DMD: variants seen among roughly 807,000 people sequenced by gnomAD.
DMD encodes dystrophin.
Under a neutral mutation model 330.1 loss-of-function variants are expected in DMD, and 63 were observed. That is an observed-to-expected ratio of 0.19 (90% CI 0.16 to 0.24). DMD has a LOEUF of 0.24. Among genes scored for constraint, DMD ranks in the 10% least tolerant of loss-of-function variants. DMD has a pLI of 1.00. For synonymous variants in DMD, 1,223 were observed against 959.8 expected (o/e 1.27, Z -5.07); for missense variants, 3,344 against 2,684.1 (o/e 1.25, Z -5.43).
In DMD at chrX:32,983,528, TACACACACAC is replaced by T. The variant is rs561986393; in HGVS notation, c.93+36601_93+36610del. 1.3e-3 allele frequency among the ~76,000 whole-genome samples: 98 copies of T among 73,563 alleles called. No individual in the cohort carries two copies. The South Asian group carries it at 0.015, about 12-fold the overall frequency. The allele number at this position is 73,563 out of a possible 115,157, so 63.9% of individuals were successfully genotyped here. A position where few individuals can be genotyped will look rare whatever the true frequency, so the allele number is the denominator to read the frequency against. On this transcript the variant is annotated intron_variant, in intron 2 of 78. Transcript: ENST00000357033. The stretch of plus-strand genomic sequence containing the variant: ...TGTGATGAAACTGTACAGAACTAAA[TACACACACAC>T]ACACACACACACACACACACACACA...
chrX:31,589,586 A>C (rs1459089799), intron 55 of DMD, among the ~76,000 whole-genome samples: 2 of 111,541 alleles, frequency 1.8e-5, no homozygotes, highest in African/African-American at 3.3e-5. Flanking sequence ...TCACCTTCAA[A>C]AATACTGCCA....
In DMD at chrX:31,831,409, T is replaced by C. The variant is rs765307844; in HGVS notation, c.7200+5309A>G. 3.6e-5 allele frequency among the ~76,000 whole-genome samples: 4 copies of C among 112,270 alleles called. No individual in the cohort carries two copies. In the East Asian group the frequency reaches 8.4e-4, roughly 23 times the overall value. On this transcript the variant is annotated intron_variant, in intron 49 of 78. Transcript: ENST00000357033. ...TGCTACTCAATTAAGAAATTGAATA[T>C]AATTAGACATTTGACAATCTCATCC...
chrX:33,106,470 G>C (rs1293294434), intron 1 of DMD, among the ~76,000 whole-genome samples: 4 of 111,901 alleles, frequency 3.6e-5, no homozygotes, highest in African/African-American at 1.3e-4. Flanking sequence ...CCAATAAGAG[G>C]AAGTTTGTAG....
At chrX:32,128,248 C>T (rs1037071965) in intron 44 of DMD, among the ~76,000 whole-genome samples, 4 of 111,950 alleles carry the variant, frequency 3.6e-5, no homozygotes, top group Non-Finnish European at 7.5e-5. Context: ...TTCAATAAAA[C>T]ATGTTTGTTT....
chrX:31,576,025 A>G (rs1053490257), intron 55 of DMD, among the ~76,000 whole-genome samples: 2 of 112,083 alleles, frequency 1.8e-5, no homozygotes, highest in African/African-American at 3.2e-5. Context: ...TTCTAAAATA[A>G]CTTTACTTTG....
chrX:31,699,899 T>C (rs1231849133), intron 52 of DMD, among the ~76,000 whole-genome samples: 1 of 111,495 alleles, frequency 9.0e-6, no homozygotes, highest in African/African-American at 3.3e-5. Flanking sequence ...AGATAAAATG[T>C]TCTCTCGGCT....
intron 20 of DMD, among the ~76,000 whole-genome samples, chrX:32,486,454 T>A (rs2042477620): frequency 9.0e-6 from 1 of 111,406 alleles, no homozygotes; most frequent in South Asian, 3.8e-4. Flanking sequence ...GCTAGCACTG[T>A]ATTTCTTTTG....
intron 44 of DMD, among the ~76,000 whole-genome samples, chrX:32,052,004 G>T (rs973284074): frequency 8.9e-6 from 1 of 111,978 alleles, no homozygotes; most frequent in African/African-American, 3.2e-5. Flanking sequence ...GAAGTAATTT[G>T]GGAAATGTAG....
chrX:33,201,651 A>C (rs967032057), intron 1 of DMD, among the ~76,000 whole-genome samples: 1 of 112,482 alleles, frequency 8.9e-6, no homozygotes, highest in Non-Finnish European at 1.9e-5. Flanking sequence ...GAGAAAAATT[A>C]GTTTATGTAA....
chrX:33,083,362 C>G (rs1880717224), intron 1 of DMD, among the ~76,000 whole-genome samples: 2 of 112,311 alleles, frequency 1.8e-5, no homozygotes, highest in Admixed American at 1.9e-4. Context: ...TCACCTCTTT[C>G]CGCACCCAAT....
chrX:31,350,835 G>A (rs192064637), intron 60 of DMD, among the ~76,000 whole-genome samples: 5 of 110,867 alleles, frequency 4.5e-5, no homozygotes, highest in African/African-American at 1.6e-4. Context: ...ATTAGCATTT[G>A]GTTCAGTGGA....
chrX:32,293,893 C>G (rs1330254174), intron 42 of DMD, among the ~76,000 whole-genome samples: 1 of 111,384 alleles, frequency 9.0e-6, no homozygotes, highest in Non-Finnish European at 1.9e-5. Flanking sequence ...GCCCTAAAAG[C>G]CATTGAACTC....
At chrX:32,911,999 G>A (rs1475313732) in intron 2 of DMD, among the ~76,000 whole-genome samples, 3 of 99,098 alleles carry the variant, frequency 3.0e-5, no homozygotes, top group African/African-American at 1.1e-4. Flanking sequence ...GGAGAGGAAG[G>A]GAGAGGAGAG....
At chrX:31,737,776 G>C (rs539944886) in intron 51 of DMD, among the ~76,000 whole-genome samples, 381 of 111,850 alleles carry the variant, frequency 3.4e-3, no homozygotes, top group Middle Eastern at 0.018. Flanking sequence ...CCACATATGG[G>C]AATTCTCAGC....
intron 43 of DMD, among the ~76,000 whole-genome samples, chrX:32,225,997 TACTTCTCG>T (rs1219720847): frequency 8.9e-6 from 1 of 112,165 alleles, no homozygotes; most frequent in Non-Finnish European, 1.9e-5. Flanking sequence ...GACCATCGTT[TACTTCTCG>T]ACTTCTTTCT....
intron 55 of DMD, among the ~76,000 whole-genome samples, chrX:31,560,651 C>T (rs1239683444): frequency 9.0e-6 from 1 of 110,796 alleles, no homozygotes; most frequent in Non-Finnish European, 1.9e-5. Context: ...TTGGCTGGGC[C>T]CAGCATTTAG....
intron 13 of DMD, among the ~76,000 whole-genome samples, chrX:32,588,100 C>T (rs2054492079): frequency 8.9e-6 from 1 of 112,231 alleles, no homozygotes; most frequent in African/African-American, 3.2e-5. Flanking sequence ...TTATATCCAA[C>T]CGTCTGTTCA....
chrX:32,726,899 TG>T (rs1409250454), intron 7 of DMD, among the ~76,000 whole-genome samples: 1 of 110,102 alleles, frequency 9.1e-6, no homozygotes, highest in Non-Finnish European at 1.9e-5. Flanking sequence ...GTTTACTAGA[TG>T]TAGGAGCTAT....
chrX:32,361,764 T>G (rs1289653907), intron 37 of DMD, among the ~76,000 whole-genome samples: 1 of 111,752 alleles, frequency 8.9e-6, no homozygotes, highest in Non-Finnish European at 1.9e-5. Context: ...GTTCTATTTT[T>G]CCAGGAATCA....
Sources: gnomAD v4.1 joint callset for allele counts (sites outside exome capture counted in the v4.1 genomes callset) on GRCh38, gnomAD v4.1.1 for gene constraint, MANE v1.5 for transcripts, NCBI Gene and HGNC (gene_info 2026-07-23, HGNC 2026-07-21) for gene names.